Variants in SEMG2 observed in about 807,000 individuals in gnomAD.
SEMG2 encodes the protein semenogelin 2.
Under a neutral mutation model 8.1 loss-of-function variants are expected in SEMG2, and 3 were observed. The observed-to-expected ratio is 0.37, with a 90% CI of 0.17 to 0.96. The LOEUF is 0.96. Among genes scored for constraint, SEMG2 ranks in the 40% least tolerant of loss-of-function variants. SEMG2 has a pLI of 0.41. For missense variants in SEMG2, 726 were observed against 671.2 expected, an observed-to-expected ratio of 1.08 and a Z score of -0.90; for synonymous variants, 252 against 231.4, an observed-to-expected ratio of 1.09 and a Z score of -0.81.
chr20:45,223,051 A>G lies in SEMG2; in HGVS notation c.1419A>G (p.Thr473=). The G allele has an allele frequency of 4.3e-6, 7 of 1,614,212 alleles. No homozygotes were observed. The highest frequency in any genetic ancestry group is 2.2e-5 in the South Asian group (2 of 91,084). Residue 473 remains threonine (T), a synonymous_variant, in exon 2 of 3, where the codon ACA becomes ACG. Transcript: ENST00000372769. ...AAATGTCATACCAATCTTCAAGTAC[A>G]GAAGAAAGACGACTCAACTATGGAG... The part of the protein sequence containing the change: ...ENKMSYQSSS[T]EERRLNYGGK...
Position 45,221,968 on chromosome 20 carries a change from A to C in SEMG2, c.336A>C (p.Glu112Asp), listed in dbSNP as rs763343653. The change falls in exon 2 of 3, where the codon GAA becomes GAC. Residue 112 changes from glutamate to aspartate, a missense_variant. Physicochemically the swap from Glu to Asp is conservative, Grantham distance 45. Coordinates refer to ENST00000372769, the MANE Select transcript of SEMG2 (RefSeq NM_003008.3). ...GSQQLLNYKQ[E>D]GRDHDKSKGH... ...AACAACTGCTCAATTATAAACAAGA[A>C]GGCAGAGACCATGATAAATCAAAAG... 9 of 1,613,676 alleles carry C rather than the reference A, an allele frequency of 5.6e-6. No homozygotes were observed. In the African/African-American group the frequency reaches 1.1e-4, roughly 19 times the overall value.
intron 2 of SEMG2, among the ~76,000 whole-genome samples, 177 bp from the exon 3 acceptor site, chr20:45,224,114 C>T (rs1464714606): frequency 6.6e-6 from 1 of 152,030 alleles, no homozygotes; most frequent in Non-Finnish European, 1.5e-5. Flanking sequence ...TAACACTGTA[C>T]CTGAAGAGAG....
At position 45,221,766 on chromosome 20, in the gene SEMG2, G is replaced by A; in HGVS notation, c.134G>A (p.Gly45Asp). 1 of 1,613,614 alleles carries A rather than the reference G, an allele frequency of 6.2e-7. No homozygotes were observed. The highest frequency in any genetic ancestry group is 8.5e-7 in the Non-Finnish European group (1 of 1,179,896). ...TCCCAATTTCCACATGGACAAAAGG[G>A]CCAGCACTATTTTGGACAAAAAGAC... The part of the protein sequence containing the change: ...GSSQFPHGQK[G>D]QHYFGQKDQQ... Residue 45 changes from glycine (G) to aspartate (D), a missense_variant, in exon 2 of 3, where the codon GGC (glycine) becomes GAC (aspartate). Coordinates refer to ENST00000372769, the MANE Select transcript of SEMG2 (RefSeq NM_003008.3).
In SEMG2 at chr20:45,221,825, A is replaced by G; in HGVS notation, c.193A>G (p.Ile65Val). 4 of 1,614,196 alleles carry G rather than the reference A, an allele frequency of 2.5e-6. No individual in the cohort carries two copies. Among genetic ancestry groups the G allele is most frequent in the Non-Finnish European group, 3.4e-6 (4 of 1,180,022 alleles). ...TACTAAATCCAAAGGCAGTTTTTCT[A>G]TTCAACACACATATCATGTAGACAT... is the stretch of plus-strand genomic sequence containing the variant. ...QHTKSKGSFS[I>V]QHTYHVDIND... Residue 65 changes from isoleucine to valine, a missense_variant, in exon 2 of 3, where the codon ATT (isoleucine) becomes GTT (valine). Coordinates refer to ENST00000372769, the MANE Select transcript of SEMG2 (RefSeq NM_003008.3).
rs1484135690 is a variant in SEMG2 at position 45,222,479 on chromosome 20, G to A, written c.847G>A (p.Ala283Thr). The change falls in exon 2 of 3, where the codon GCA (alanine) becomes ACA (threonine). Residue 283 changes from alanine to threonine, a missense_variant. Coordinates refer to ENST00000372769, the MANE Select transcript of SEMG2 (RefSeq NM_003008.3). ...LSQDQEHGRK[A>T]HKISYPSSRT... ...TCAAGATCAAGAGCATGGCCGGAAGGCACATAAAATATCATACCCGTCTTC... is the reference window on the plus strand; with the variant it reads ...TCAAGATCAAGAGCATGGCCGGAAGACACATAAAATATCATACCCGTCTTC... 1.9e-6 allele frequency: 3 copies of A among 1,613,858 alleles called. No homozygotes were observed. In the African/African-American group the frequency reaches 4.0e-5, roughly 22 times the overall value.
In SEMG2 at chr20:45,222,030, G is replaced by A. The variant is rs749870633; in HGVS notation, c.398G>A (p.Gly133Asp). The change falls in exon 2 of 3, where the codon GGC (glycine) becomes GAC (aspartate). Residue 133 changes from glycine (G) to aspartate (D), a missense_variant. Gly to Asp is a moderately conservative substitution (Grantham distance 94). Transcript: ENST00000372769. ...FHMIVIHHKG[G>D]QAHHGTQNPS... is the part of the protein sequence containing the mutation. The stretch of plus-strand genomic sequence containing the variant: ...ATGATAGTTATACATCATAAAGGAG[G>A]CCAAGCTCATCATGGGACACAAAAT... The A allele has an allele frequency of 3.8e-5, 62 of 1,613,992 alleles. No individual in the cohort carries two copies. Among genetic ancestry groups the A allele is most frequent in the Non-Finnish European group, 4.9e-5 (58 of 1,179,994 alleles).
In SEMG2 at chr20:45,222,695, G is replaced by A; in HGVS notation, c.1063G>A (p.Glu355Lys). ...ATCATACCAATCTTCAAGTACAGAA[G>A]AAAGACATCTCAACTGTGGAGAAAA... ...KISYQSSSTEERHLNCGEKGI... is the reference protein window; with the variant it reads ...KISYQSSSTEKRHLNCGEKGI... Residue 355 changes from glutamate to lysine, a missense_variant, in exon 2 of 3, where the codon GAA (glutamate) becomes AAA (lysine). Physicochemically the swap from Glu to Lys is moderately conservative, Grantham distance 56. Transcript: ENST00000372769. The A allele has an allele frequency of 6.2e-7, 1 of 1,613,488 alleles. No individual in the cohort carries two copies. The highest frequency in any genetic ancestry group is 8.5e-7 in the Non-Finnish European group (1 of 1,179,828).
In SEMG2 at chr20:45,222,906, T is replaced by C. The variant is rs767296791; in HGVS notation, c.1274T>C (p.Val425Ala). 1.9e-6 allele frequency: 3 copies of C among 1,612,720 alleles called. No individual in the cohort carries two copies. Among genetic ancestry groups the C allele is most frequent in the Admixed American group, 3.3e-5 (2 of 59,908 alleles). ...ERRLNSGEKD[V>A]QKGVSKGSIS... Reference sequence around the variant, plus strand: ...CGTCTCAACAGTGGAGAAAAGGATGTACAGAAAGGTGTATCCAAAGGCAGT... The same window carrying C: ...CGTCTCAACAGTGGAGAAAAGGATGCACAGAAAGGTGTATCCAAAGGCAGT... Residue 425 changes from valine (V) to alanine (A), a missense_variant, in exon 2 of 3, where the codon GTA becomes GCA. Transcript: ENST00000372769.
rs140134573 is a variant in SEMG2, at chr20:45,221,810, A to C, written c.178A>C (p.Lys60Gln). The C allele has an allele frequency of 3.6e-5, 58 of 1,614,084 alleles. No individual in the cohort carries two copies. The highest frequency in any genetic ancestry group is 4.4e-5 in the Non-Finnish European group (52 of 1,180,028). Reference protein sequence around the residue: ...GQKDQQHTKSKGSFSIQHTYH... With the variant: ...GQKDQQHTKSQGSFSIQHTYH... ...AAAAGACCAACAACATACTAAATCCAAAGGCAGTTTTTCTATTCAACACAC... is the reference window on the plus strand; with the variant it reads ...AAAAGACCAACAACATACTAAATCCCAAGGCAGTTTTTCTATTCAACACAC... The change falls in exon 2 of 3, where the codon AAA becomes CAA. Residue 60 changes from lysine (K) to glutamine (Q), a missense_variant. Coordinates refer to ENST00000372769, the MANE Select transcript of SEMG2 (RefSeq NM_003008.3).
chr20:45,223,643 T>C (rs1344435846), intron 2 of SEMG2, among the ~76,000 whole-genome samples: 1 of 152,236 alleles, frequency 6.6e-6, no homozygotes, highest in Non-Finnish European at 1.5e-5. Flanking sequence ...CTATTCTTAA[T>C]TGAGTATTCT....
Position 45,221,456 on chromosome 20 carries a change from G to A in SEMG2, c.67G>A (p.Gly23Arg), listed in dbSNP as rs1271280945. 6.2e-7 allele frequency: 1 copy of A among 1,613,962 alleles called. No homozygotes were observed. The highest frequency in any genetic ancestry group is 8.5e-7 in the Non-Finnish European group (1 of 1,179,956). Reference sequence around the variant, plus strand: ...CTTGGAGAAGCAAGCAGCTGTGATGGGACAAAAAGGTGAGTGGAGAGGGTA... The same window carrying A: ...CTTGGAGAAGCAAGCAGCTGTGATGAGACAAAAAGGTGAGTGGAGAGGGTA... ...LILEKQAAVMGQKGGSKGQLP... is the reference protein window; with the variant it reads ...LILEKQAAVMRQKGGSKGQLP... Residue 23 changes from glycine to arginine, a missense_variant, in exon 1 of 3, where the codon GGA becomes AGA. By Grantham distance (125) the Gly-to-Arg change is moderately radical. Coordinates refer to ENST00000372769, the MANE Select transcript of SEMG2 (RefSeq NM_003008.3).
rs1984063997 is a variant in SEMG2 at position 45,223,113 on chromosome 20, T to C, written c.1481T>C (p.Ile494Thr). 1 of 1,614,104 alleles carries C rather than the reference T, an allele frequency of 6.2e-7. No homozygotes were observed. The highest frequency in any genetic ancestry group is 1.3e-5 in the African/African-American group (1 of 75,042). ...STQKDVSQSS[I>T]SFQIEKLVEG... ...CAGAAAGATGTATCCCAAAGCAGTA[T>C]TTCTTTCCAAATTGAAAAGCTAGTA... is the stretch of plus-strand genomic sequence containing the variant. The change falls in exon 2 of 3, where the codon ATT (isoleucine) becomes ACT (threonine). Residue 494 changes from isoleucine (I) to threonine (T), a missense_variant. Ile to Thr is a moderately conservative substitution (Grantham distance 89, BLOSUM62 -1). Coordinates refer to ENST00000372769, the MANE Select transcript of SEMG2 (RefSeq NM_003008.3).
At position 45,224,300 on chromosome 20, in the gene SEMG2, G is replaced by C. The variant is rs533067487; in HGVS notation, c.*54G>C. 2 of 152,148 alleles carry C rather than the reference G, an allele frequency of 1.3e-5. No individual in the cohort carries two copies. The highest frequency in any genetic ancestry group is 2.9e-5 in the Non-Finnish European group (2 of 68,088). 9.4% of individuals were successfully genotyped at this position (152,148 alleles called of 1,614,324 possible). Reference sequence around the variant, plus strand: ...TCTTTTTTCTCCCTAGGTGTCACCCGACCTCAGTGAAGTCTTTGATGTTTC... The same window carrying C: ...TCTTTTTTCTCCCTAGGTGTCACCCCACCTCAGTGAAGTCTTTGATGTTTC... On this transcript the variant is annotated 3_prime_UTR_variant, in exon 3 of 3. Coordinates refer to ENST00000372769, the MANE Select transcript of SEMG2 (RefSeq NM_003008.3).
In SEMG2 at chr20:45,223,179, A is replaced by G. The variant is rs1161760984; in HGVS notation, c.1547A>G (p.Asp516Gly). The G allele has an allele frequency of 1.2e-6, 2 of 1,614,050 alleles. No homozygotes were observed. Among genetic ancestry groups the G allele is most frequent in the Non-Finnish European group, 1.7e-6 (2 of 1,180,030 alleles). Reference protein sequence around the residue: ...SQIQTPNPNQDQWSGQNAKGK... With the variant: ...SQIQTPNPNQGQWSGQNAKGK... ...ATCCAGACACCAAATCCTAATCAAG[A>G]TCAATGGTCTGGCCAAAATGCAAAA... The change falls in exon 2 of 3, where the codon GAT becomes GGT. Residue 516 changes from aspartate to glycine, a missense_variant. Coordinates refer to ENST00000372769, the MANE Select transcript of SEMG2 (RefSeq NM_003008.3).
rs1231708611 is a variant in SEMG2, at chr20:45,222,273, A to G, written c.641A>G (p.His214Arg). The G allele has an allele frequency of 6.2e-7, 1 of 1,613,992 alleles. No homozygotes were observed. Among genetic ancestry groups the G allele is most frequent in the Middle Eastern group, 1.6e-4 (1 of 6,062 alleles). ...NKQQRETKNS[H>R]QNKGHYQNVV... ...CAACAACGTGAGACTAAAAATTCTC[A>G]TCAAAATAAAGGGCATTACCAAAAT... The change falls in exon 2 of 3, where the codon CAT becomes CGT. Residue 214 changes from histidine to arginine, a missense_variant. Physicochemically the swap from His to Arg is conservative, Grantham distance 29. Coordinates refer to ENST00000372769, the MANE Select transcript of SEMG2 (RefSeq NM_003008.3).
At position 45,223,017 on chromosome 20, in the gene SEMG2, A is replaced by G. The variant is rs1331077420; in HGVS notation, c.1385A>G (p.Lys462Arg). The change falls in exon 2 of 3, where the codon AAG (lysine) becomes AGG (arginine). Residue 462 changes from lysine (K) to arginine (R), a missense_variant. Coordinates refer to ENST00000372769, the MANE Select transcript of SEMG2 (RefSeq NM_003008.3). ...AGTCAAGATCAAGAGCATGGCCATA[A>G]GGAAAATAAAATGTCATACCAATCT... ...IPSQDQEHGH[K>R]ENKMSYQSSS... 1.9e-6 allele frequency: 3 copies of G among 1,614,204 alleles called. No individual in the cohort carries two copies. The highest frequency in any genetic ancestry group is 1.7e-5 in the Admixed American group (1 of 60,030).
chr20:45,223,146 A>G lies in SEMG2; in HGVS notation c.1514A>G (p.Lys505Arg). The G allele has an allele frequency of 6.2e-7, 1 of 1,614,040 alleles. No individual in the cohort carries two copies. The highest frequency in any genetic ancestry group is 8.5e-7 in the Non-Finnish European group (1 of 1,179,950). Residue 505 changes from lysine (K) to arginine (R), a missense_variant, in exon 2 of 3, where the codon AAG (lysine) becomes AGG (arginine). By Grantham distance (26) the Lys-to-Arg change is conservative. Transcript: ENST00000372769. ...CAAATTGAAAAGCTAGTAGAAGGCA[A>G]GTCTCAAATCCAGACACCAAATCCT... ...SFQIEKLVEG[K>R]SQIQTPNPNQ...
Position 45,223,125 on chromosome 20 carries a change from T to C in SEMG2, c.1493T>C (p.Ile498Thr), listed in dbSNP as rs150669348. The change falls in exon 2 of 3, where the codon ATT (isoleucine) becomes ACT (threonine). Residue 498 changes from isoleucine (I) to threonine (T), a missense_variant. Ile to Thr is a moderately conservative substitution (Grantham distance 89). Coordinates refer to ENST00000372769, the MANE Select transcript of SEMG2 (RefSeq NM_003008.3). ...TCCCAAAGCAGTATTTCTTTCCAAA[T>C]TGAAAAGCTAGTAGAAGGCAAGTCT... ...DVSQSSISFQ[I>T]EKLVEGKSQI... 19 of 1,613,860 alleles carry C rather than the reference T, an allele frequency of 1.2e-5. No individual in the cohort carries two copies. The highest frequency in any genetic ancestry group is 1.4e-5 in the Non-Finnish European group (16 of 1,179,964).
In SEMG2 at chr20:45,221,831, C is replaced by T. The variant is rs543229204; in HGVS notation, c.199C>T (p.His67Tyr). 14 of 1,613,990 alleles carry T rather than the reference C, an allele frequency of 8.7e-6. No homozygotes were observed. Among genetic ancestry groups the T allele is most frequent in the African/African-American group, 5.3e-5 (4 of 74,918 alleles). The change falls in exon 2 of 3, where the codon CAC (histidine) becomes TAC (tyrosine). Residue 67 changes from histidine (H) to tyrosine (Y), a missense_variant. By Grantham distance (83) the His-to-Tyr change is moderately conservative. Coordinates refer to ENST00000372769, the MANE Select transcript of SEMG2 (RefSeq NM_003008.3). The part of the protein sequence containing the change: ...TKSKGSFSIQ[H>Y]TYHVDINDHD... ...ATCCAAAGGCAGTTTTTCTATTCAA[C>T]ACACATATCATGTAGACATCAATGA...
Sources: allele counts gnomAD v4.1 joint callset (sites outside exome capture counted in the v4.1 genomes callset), GRCh38; gene constraint gnomAD v4.1.1; transcripts MANE v1.5; gene names NCBI Gene and HGNC (gene_info 2026-07-23, HGNC 2026-07-21).